The following LRRC4C variants were observed in gnomAD, a reference collection of about 807,000 sequenced individuals.
LRRC4C encodes leucine rich repeat containing 4C, also known as leucine-rich repeat-containing protein 4C.
Under a neutral mutation model 33.6 loss-of-function variants are expected in LRRC4C, and 5 were observed. That is an observed-to-expected ratio of 0.15 (90% confidence interval 0.08 to 0.31). LRRC4C has a LOEUF of 0.31. Ranked by LOEUF, LRRC4C falls within the 10% of genes least tolerant of loss-of-function variation. The pLI is 1.00. For synonymous variants in LRRC4C, 329 were observed against 302.0 expected, an observed-to-expected ratio of 1.09 and a Z score of -0.93; for missense variants, 560 against 796.7, an observed-to-expected ratio of 0.70 and a Z score of 3.58.
intron 1 of LRRC4C, among the ~76,000 whole-genome samples, chr11:41,077,525 T>C (rs1208891111): frequency 6.6e-6 from 1 of 152,204 alleles, no homozygotes; most frequent in Non-Finnish European, 1.5e-5. Flanking sequence ...TGTCCCATTT[T>C]AGCCATGGCT....
intron 2 of LRRC4C, among the ~76,000 whole-genome samples, chr11:40,683,964 AC>A (rs1319702881): frequency 6.6e-6 from 1 of 152,190 alleles, no homozygotes; most frequent in Non-Finnish European, 1.5e-5. Context: ...ATCTATGCCA[AC>A]TCTAATGATA....
At chr11:41,122,818 T>C (rs1239246162) in intron 1 of LRRC4C, 1 of 152,076 alleles carries the variant, frequency 6.6e-6, no homozygotes, top group Non-Finnish European at 1.5e-5. Context: ...TAATGAAACA[T>C]CTCATGAAAT....
At chr11:40,192,362 AG>A (rs1350633207) in intron 5 of LRRC4C, among the ~76,000 whole-genome samples, 4 of 152,104 alleles carry the variant, frequency 2.6e-5, no homozygotes, top group African/African-American at 9.7e-5. Flanking sequence ...GGAAGCACAA[AG>A]GGTTGGGGAA....
intron 2 of LRRC4C, among the ~76,000 whole-genome samples, chr11:40,921,561 G>A (rs1203551248): frequency 1.3e-5 from 2 of 152,050 alleles, no homozygotes; most frequent in Non-Finnish European, 2.9e-5. Context: ...TAAGACCTAT[G>A]AGGAACTTCT....
intron 3 of LRRC4C, among the ~76,000 whole-genome samples, chr11:40,630,349 TC>T (rs1349374244): frequency 2.6e-5 from 1 of 38,950 alleles, no homozygotes; most frequent in East Asian, 3.6e-4. Context: ...TTCTTCTTCT[TC>T]TTCTTCTTCT....
chr11:41,154,841 G>A (rs868844761), intron 1 of LRRC4C, among the ~76,000 whole-genome samples: 14 of 152,112 alleles, frequency 9.2e-5, no homozygotes, highest in Non-Finnish European at 1.9e-4. Context: ...AGGGTAAAAT[G>A]TGAGACATGA....
chr11:40,892,938 T>C (rs1006888936), intron 2 of LRRC4C, among the ~76,000 whole-genome samples: 2 of 152,202 alleles, frequency 1.3e-5, no homozygotes, highest in African/African-American at 4.8e-5. Flanking sequence ...ATGATAAATG[T>C]TGTGTATGTG....
intron 3 of LRRC4C, among the ~76,000 whole-genome samples, chr11:40,597,977 T>C (rs1959537210): frequency 6.6e-6 from 1 of 152,114 alleles, no homozygotes; most frequent in Non-Finnish European, 1.5e-5. Flanking sequence ...TCAATTAAGG[T>C]TTGAAAGCCT....
At chr11:40,469,771 T>C (rs533019976) in intron 3 of LRRC4C, among the ~76,000 whole-genome samples, 4 of 152,236 alleles carry the variant, frequency 2.6e-5, no homozygotes, top group South Asian at 2.1e-4. Flanking sequence ...TCTGAGAAGT[T>C]TGAACTGGGT....
At chr11:40,974,729 T>A (rs1444556347) in intron 1 of LRRC4C, among the ~76,000 whole-genome samples, 2 of 152,118 alleles carry the variant, frequency 1.3e-5, no homozygotes, top group Admixed American at 6.5e-5. Context: ...GTGGACTAAG[T>A]GGGGAAAACT....
In LRRC4C at chr11:41,448,122, G is replaced by GTTTTTTTTTTTTTTTTT. The variant is rs71063918; in HGVS notation, c.-496+11292_-496+11308dup. Among the ~76,000 whole-genome samples the GTTTTTTTTTTTTTTTTT allele has an allele frequency of 1.3e-3, 62 of 46,900 alleles. 7 individuals are homozygous for GTTTTTTTTTTTTTTTTT. The highest frequency in any genetic ancestry group is 3.0e-3 in the African/African-American group (39 of 12,918). 30.8% of individuals were successfully genotyped at this position (46,900 alleles called of 152,430 possible). A position where few individuals can be genotyped will look rare whatever the true frequency, so the allele number is the denominator to read the frequency against. Reference sequence around the variant, plus strand: ...ACAAACGAGGCTGCTGCACACGTCTGTTTTTTTTTTTTTTTTTTTTGGAGC... The same window carrying GTTTTTTTTTTTTTTTTT: ...ACAAACGAGGCTGCTGCACACGTCTGTTTTTTTTTTTTTTTTTTTTTTTTTTTTTTTTTTTTTGGAGC... On this transcript the variant is annotated intron_variant, in intron 1 of 6. Coordinates refer to ENST00000528697, the MANE Select transcript of LRRC4C (RefSeq NM_001258419.2).
intron 1 of LRRC4C, among the ~76,000 whole-genome samples, chr11:41,020,998 C>G (rs559882011): frequency 1.1e-3 from 167 of 152,244 alleles, no homozygotes; most frequent in Non-Finnish European, 2.0e-3. Flanking sequence ...ATAAATGAGG[C>G]TGATTTGCAT....
intron 2 of LRRC4C, among the ~76,000 whole-genome samples, chr11:40,813,145 C>G (rs1244376569): frequency 6.6e-6 from 1 of 152,168 alleles, no homozygotes; most frequent in African/African-American, 2.4e-5. Context: ...GTTACCCCAG[C>G]AAATTTTGGA....
chr11:40,575,686 T>C (rs184184690), intron 3 of LRRC4C, among the ~76,000 whole-genome samples: 42 of 152,326 alleles, frequency 2.8e-4, no homozygotes, highest in African/African-American at 9.6e-4. Context: ...TTCTTCAAGA[T>C]CTAAGATTTA....
Position 40,115,787 on chromosome 11 carries a change from T to C in LRRC4C, c.506A>G (p.Asn169Ser), listed in dbSNP as rs1855386177. Residue 169 changes from asparagine to serine, a missense_variant, in exon 7 of 7, where the codon AAC (asparagine) becomes AGC (serine). Around this residue, in one of 3 missense-constraint regions of LRRC4C, gnomAD observed 455 missense variants for 643.8 expected, o/e 0.71. Transcript: ENST00000528697. The surrounding 1 kb of genome is among the most constrained non-coding windows in gnomAD (Gnocchi z 6.7). ...PIESIPSYAF[N>S]RIPSLRRLDL... ...TAGTCGGCGCAAAGAAGGAATTCTG[T>C]TAAAAGCATAAGAAGGGATGCTTTC... is the stretch of plus-strand genomic sequence containing the variant. 6.2e-7 allele frequency: 1 copy of C among 1,614,044 alleles called. No homozygotes were observed.
At chr11:40,714,023 C>T (rs570646861) in intron 2 of LRRC4C, among the ~76,000 whole-genome samples, 6 of 152,256 alleles carry the variant, frequency 3.9e-5, no homozygotes, top group African/African-American at 1.2e-4. Flanking sequence ...ATTGCTTTTA[C>T]GGAAGCCAGA....
chr11:41,140,611 G>A (rs914600059), intron 1 of LRRC4C, among the ~76,000 whole-genome samples: 6 of 152,190 alleles, frequency 3.9e-5, no homozygotes, highest in Admixed American at 2.0e-4. Flanking sequence ...GTGCAATCAG[G>A]TCACCATCAC....
At chr11:40,491,924 AC>A (rs1954180293) in intron 3 of LRRC4C, among the ~76,000 whole-genome samples, 1 of 152,176 alleles carries the variant, frequency 6.6e-6, no homozygotes, top group South Asian at 2.1e-4. Context: ...TGCCTACCAT[AC>A]CATATTGTAG....
At chr11:40,902,149 C>T (rs1956237723) in intron 2 of LRRC4C, among the ~76,000 whole-genome samples, 2 of 151,764 alleles carry the variant, frequency 1.3e-5, no homozygotes, top group African/African-American at 4.8e-5. Flanking sequence ...ACAATTCGAT[C>T]GGTGGTGTTT....
Sources: gnomAD v4.1 joint callset for allele counts (sites outside exome capture counted in the v4.1 genomes callset) on GRCh38, gnomAD v4.1.1 for gene constraint, gnomAD v4.1.1 regional missense constraint, Gnocchi (gnomAD v3.1) non-coding constraint, MANE v1.5 for transcripts, NCBI Gene and HGNC (gene_info 2026-07-23, HGNC 2026-07-21) for gene names.